The following TMEM63C variants were observed in gnomAD, a reference collection of about 807,000 sequenced individuals.
TMEM63C encodes the protein transmembrane protein 63C.
In TMEM63C, 32 loss-of-function variants were observed where a neutral mutation model predicts 99.2. That is an observed-to-expected ratio of 0.32 (90% CI 0.24 to 0.43). TMEM63C has a LOEUF of 0.43. TMEM63C is among the 20% of genes least tolerant of loss of function. The probability of loss-of-function intolerance (pLI) is 1.00; values close to 1 mark genes in which losing one functional copy is unlikely to be tolerated. For synonymous variants in TMEM63C, 376 were observed against 397.9 expected (o/e 0.94, Z 0.66); for missense variants, 826 against 1,053.0 (o/e 0.78, Z 2.98).
intron 1 of TMEM63C, among the ~76,000 whole-genome samples, chr14:77,203,090 T>C (rs1449278155): frequency 6.6e-6 from 1 of 152,166 alleles, no homozygotes; most frequent in East Asian, 1.9e-4. Context: ...CAAAAAGCAA[T>C]AAAGACGCTG....
chr14:77,241,017 C>G (rs549010651), intron 13 of TMEM63C, among the ~76,000 whole-genome samples: 1 of 148,076 alleles, frequency 6.8e-6, no homozygotes, highest in Non-Finnish European at 1.5e-5. Flanking sequence ...ATGGCACAAT[C>G]TCAGCTCACT....
intron 1 of TMEM63C, among the ~76,000 whole-genome samples, chr14:77,190,265 G>A (rs1403082535): frequency 6.6e-6 from 1 of 152,060 alleles, no homozygotes; most frequent in Admixed American, 6.5e-5. Context: ...AATAATCACT[G>A]AAGAAACTGA....
At chr14:77,207,472 C>G (rs207804) in intron 1 of TMEM63C, among the ~76,000 whole-genome samples, 70,701 of 152,166 alleles carry the variant, frequency 0.46, 16,732 homozygotes, top group East Asian at 0.68. Context: ...TCCTGTACCC[C>G]AGAAATACAG....
intron 10 of TMEM63C, 62 bp downstream of exon 10, chr14:77,238,829 C>T: frequency 7.4e-7 from 1 of 1,356,094 alleles, no homozygotes; most frequent in Non-Finnish European, 1.1e-6. Context: ...CGCCTGGGTC[C>T]TCAAGTGGGT....
At chr14:77,200,660 G>A (rs1233199201) in intron 1 of TMEM63C, among the ~76,000 whole-genome samples, 1 of 152,242 alleles carries the variant, frequency 6.6e-6, no homozygotes, top group Non-Finnish European at 1.5e-5. Context: ...GAGGGGTGGT[G>A]CATTTCCATC....
At chr14:77,246,435 A>C (rs889691437) in intron 17 of TMEM63C, among the ~76,000 whole-genome samples, 174 bp from the exon 18 acceptor site, 1 of 152,260 alleles carries the variant, frequency 6.6e-6, no homozygotes, top group East Asian at 1.9e-4. Flanking sequence ...GAAAGGCCAA[A>C]GGGCTCGGGG....
intron 2 of TMEM63C, among the ~76,000 whole-genome samples, chr14:77,215,463 T>A (rs1448284369): frequency 6.6e-6 from 1 of 151,576 alleles, no homozygotes. Flanking sequence ...TAGCCAAGTG[T>A]AGTGGTGGGC....
intron 21 of TMEM63C, among the ~76,000 whole-genome samples, chr14:77,251,101 C>A (rs1395174825): frequency 6.6e-6 from 1 of 152,176 alleles, no homozygotes; most frequent in Non-Finnish European, 1.5e-5. Context: ...ATGTTCTGAG[C>A]AATTTCCTAG....
At chr14:77,245,143 G>T (rs936585467) in intron 16 of TMEM63C, among the ~76,000 whole-genome samples, 1 of 152,244 alleles carries the variant, frequency 6.6e-6, no homozygotes, top group Non-Finnish European at 1.5e-5. Context: ...CTCTGGCCAA[G>T]AACAAGACTT....
chr14:77,218,351 A>T (rs1408407812), intron 2 of TMEM63C, among the ~76,000 whole-genome samples: 1 of 152,126 alleles, frequency 6.6e-6, no homozygotes, highest in Non-Finnish European at 1.5e-5. Context: ...GAATGCAGAG[A>T]TGATTGTCAT....
At chr14:77,184,904 T>G (rs531069469) in intron 1 of TMEM63C, among the ~76,000 whole-genome samples, 1 of 152,272 alleles carries the variant, frequency 6.6e-6, no homozygotes, top group South Asian at 2.1e-4. Flanking sequence ...CAACTGAGGG[T>G]GGCTCTTAAG....
intron 20 of TMEM63C, 95 bp from the exon 21 acceptor site, chr14:77,249,196 C>T (rs528892528): frequency 9.8e-6 from 13 of 1,326,128 alleles, no homozygotes; most frequent in Admixed American, 7.1e-5. Context: ...CTCTGACAGC[C>T]GTGGATCTGG....
At chr14:77,210,203 C>T (rs1000613713) in intron 1 of TMEM63C, among the ~76,000 whole-genome samples, 1 of 152,272 alleles carries the variant, frequency 6.6e-6, no homozygotes, top group Admixed American at 6.5e-5. Context: ...GATTCTCATG[C>T]TTAATGTCTG....
chr14:77,256,384 C>A, intron 23 of TMEM63C, 142 bp from the exon 24 acceptor site: 1 of 783,718 alleles, frequency 1.3e-6, no homozygotes, highest in Non-Finnish European at 2.1e-6. Flanking sequence ...ACAGACAGGA[C>A]CCAGGCTGCT....
chr14:77,237,998 T>C (rs1361010703), intron 9 of TMEM63C, among the ~76,000 whole-genome samples: 2 of 152,218 alleles, frequency 1.3e-5, no homozygotes, highest in Non-Finnish European at 2.9e-5. Context: ...CTGCCAGGCA[T>C]GGAGGCTTGG....
chr14:77,227,811 C>T (rs891629801), intron 6 of TMEM63C, among the ~76,000 whole-genome samples: 1 of 151,894 alleles, frequency 6.6e-6, no homozygotes, highest in Non-Finnish European at 1.5e-5. Context: ...GAGGGCAGGC[C>T]GAGGATAGGA....
chr14:77,238,928 G>A (rs1354720953), intron 10 of TMEM63C, among the ~76,000 whole-genome samples, 161 bp downstream of exon 10: 1 of 152,178 alleles, frequency 6.6e-6, no homozygotes, highest in Non-Finnish European at 1.5e-5. Flanking sequence ...GAATGGGGAG[G>A]GCCGCTGGAG....
At chr14:77,184,566 G>T (rs1887966552) in intron 1 of TMEM63C, among the ~76,000 whole-genome samples, 3 of 152,204 alleles carry the variant, frequency 2.0e-5, no homozygotes, top group Admixed American at 1.3e-4. Flanking sequence ...TGGTGCTCAG[G>T]CCATGGGCAG....
chr14:77,249,175 GGTT>G, intron 20 of TMEM63C, 113 bp from the exon 21 acceptor site: 1 of 1,129,372 alleles, frequency 8.9e-7, no homozygotes, highest in Non-Finnish European at 1.3e-6. Flanking sequence ...ACCCATCCTT[GGTT>G]GTTGTGACTC....
Sources: allele counts gnomAD v4.1 joint callset (sites outside exome capture counted in the v4.1 genomes callset), GRCh38; gene constraint gnomAD v4.1.1; transcripts MANE v1.5; gene names NCBI Gene and HGNC (gene_info 2026-07-23, HGNC 2026-07-21).